The following TEX15 variants were observed in gnomAD, a reference collection of about 807,000 sequenced individuals.
The protein encoded by TEX15 is testis expressed 15, meiosis and synapsis associated.
Under a neutral mutation model 237.3 loss-of-function variants are expected in TEX15, and 171 were observed. The ratio of observed to expected loss-of-function variants is 0.72; its 90% CI spans 0.64 to 0.82. The LOEUF is 0.82. Among genes scored for constraint, TEX15 ranks in the 40% least tolerant of loss-of-function variants. The pLI, the probability that TEX15 is intolerant of heterozygous loss-of-function variation, is 0.00. For synonymous variants in TEX15, 1,338 were observed against 1,269.8 expected (o/e 1.05, Z -1.14); for missense variants, 3,750 against 3,646.5 (o/e 1.03, Z -0.73).
rs773441447 is a variant in TEX15 at position 30,836,864 on chromosome 8, T to C, written c.9420A>G (p.Pro3140=). The C allele has an allele frequency of 3.7e-6, 6 of 1,614,000 alleles. No homozygotes were observed. The highest frequency in any genetic ancestry group is 2.5e-6 in the Non-Finnish European group (3 of 1,180,016). Residue 3140 remains proline (P), a synonymous_variant, in exon 10 of 11, where the codon CCA becomes CCG. Coordinates refer to ENST00000643185, the MANE Select transcript of TEX15 (RefSeq NM_001350162.2). The part of the protein sequence containing the change: ...FSQYASHQPL[P]QATYPYLPNR... Reference sequence around the variant, plus strand: ...TAGGAAGGTAAGGGTATGTAGCTTGTGGTAATGGCTGATGAGAAGCATATT... The same window carrying C: ...TAGGAAGGTAAGGGTATGTAGCTTGCGGTAATGGCTGATGAGAAGCATATT...
intron 10 of TEX15, among the ~76,000 whole-genome samples, chr8:30,833,922 T>A (rs1314897308): frequency 6.6e-6 from 1 of 152,186 alleles, no homozygotes; most frequent in Non-Finnish European, 1.5e-5. Context: ...CTGGACTTGA[T>A]TCCAGAGCTA....
At chr8:30,886,277 G>A (rs537881696) in intron 3 of TEX15, among the ~76,000 whole-genome samples, 50 of 152,328 alleles carry the variant, frequency 3.3e-4, no homozygotes, top group Non-Finnish European at 6.8e-4. Flanking sequence ...ACTATGCAGA[G>A]GTGAAGTTCT....
At chr8:30,888,995 C>T (rs1288900902) in intron 2 of TEX15, among the ~76,000 whole-genome samples, 2 of 152,210 alleles carry the variant, frequency 1.3e-5, no homozygotes, top group Non-Finnish European at 2.9e-5. Context: ...CTGCCATGTT[C>T]ACCTCGCAGT....
At chr8:30,865,054 A>C (rs1161845304) in intron 5 of TEX15, among the ~76,000 whole-genome samples, 1 of 152,116 alleles carries the variant, frequency 6.6e-6, no homozygotes, top group Admixed American at 6.6e-5. Context: ...GTTTTTAAAA[A>C]AACAAAATAT....
chr8:30,843,581 T>A lies in TEX15; in HGVS notation c.6586A>T (p.Thr2196Ser). The A allele has an allele frequency of 1.2e-6, 2 of 1,613,104 alleles. No individual in the cohort carries two copies. Among genetic ancestry groups the A allele is most frequent in the African/African-American group, 1.3e-5 (1 of 75,004 alleles). The change falls in exon 8 of 11, where the codon ACC becomes TCC. Residue 2196 changes from threonine (T) to serine (S), a missense_variant. Transcript: ENST00000643185. The stretch of plus-strand genomic sequence containing the variant: ...CTATCTCCAAAGTTAACTCCACAGG[T>A]AAATGGAACAGAAAGAGAAAAATCA... ...CFDFSLSVPF[T>S]CGVNFGDSLE... is the part of the protein sequence containing the mutation.
At chr8:30,861,081 T>A (rs2111862) in intron 5 of TEX15, among the ~76,000 whole-genome samples, 4 of 151,992 alleles carry the variant, frequency 2.6e-5, no homozygotes, top group Non-Finnish European at 5.9e-5. Flanking sequence ...AGAAAAAGCC[T>A]GGAGTAAGCT....
At position 30,837,812 on chromosome 8, in the gene TEX15, G is replaced by A. The variant is rs1807344681; in HGVS notation, c.8472C>T (p.Asn2824=). 3 of 1,614,036 alleles carry A rather than the reference G, an allele frequency of 1.9e-6. No individual in the cohort carries two copies. The South Asian group carries it at 3.3e-5, about 18-fold the overall frequency. The change falls in exon 10 of 11, where the codon AAC becomes AAT. Residue 2824 remains asparagine (N), a synonymous_variant. Transcript: ENST00000643185. The part of the protein sequence containing the change: ...NLNSMKKRNV[N]FSAAETKSDK... ...CACTTTTTGTTTCAGCAGCACTGAA[G>A]TTCACATTTCTTTTCTTCATGCTAT...
At chr8:30,910,537 C>T (rs1013832157) in intron 1 of TEX15, among the ~76,000 whole-genome samples, 5 of 151,688 alleles carry the variant, frequency 3.3e-5, no homozygotes, top group African/African-American at 9.7e-5. Flanking sequence ...CTTGACCACC[C>T]GGGCTCAAGC....
chr8:30,849,334 A>G lies in TEX15; in HGVS notation c.851-18T>C, dbSNP rs747577562. 9.0e-6 allele frequency: 13 copies of G among 1,451,370 alleles called. No individual in the cohort carries two copies. Among genetic ancestry groups the G allele is most frequent in the Non-Finnish European group, 1.2e-5 (13 of 1,099,100 alleles). The allele number at this position is 1,451,370 out of a possible 1,614,324, so 89.9% of individuals were successfully genotyped here. ...TGTCCTTTCTGTGGAAATAATAAGGAAGACAAATTTGAAAAAAAGTGTTTC... is the reference window on the plus strand; with the variant it reads ...TGTCCTTTCTGTGGAAATAATAAGGGAGACAAATTTGAAAAAAAGTGTTTC... On this transcript the variant is annotated intron_variant, in intron 7 of 10. Coordinates refer to ENST00000643185, the MANE Select transcript of TEX15 (RefSeq NM_001350162.2).
Position 30,860,027 on chromosome 8 carries a change from G to A in TEX15, c.571C>T (p.Pro191Ser). 1 of 1,482,142 alleles carries A rather than the reference G, an allele frequency of 6.7e-7. No individual in the cohort carries two copies. The allele number at this position is 1,482,142 out of a possible 1,614,324, so 91.8% of individuals were successfully genotyped here. Residue 191 changes from proline to serine, a missense_variant, in exon 6 of 11, where the codon CCT becomes TCT. Physicochemically the swap from Pro to Ser is moderately conservative, Grantham distance 74 (BLOSUM62 -1). Coordinates refer to ENST00000643185, the MANE Select transcript of TEX15 (RefSeq NM_001350162.2). ...VLFGKVKKIQPSVDKNKVSLD... is the reference protein window; with the variant it reads ...VLFGKVKKIQSSVDKNKVSLD... ...GAAACTTTATTTTTATCCACAGAAG[G>A]TTGGATTTTCTTCACTTTTCCAAAG...
intron 1 of TEX15, among the ~76,000 whole-genome samples, chr8:30,909,336 T>G (rs771200633): frequency 6.6e-6 from 1 of 151,816 alleles, no homozygotes; most frequent in South Asian, 2.1e-4. Flanking sequence ...TTCAGTCACA[T>G]TGGTGAAAGC....
chr8:30,852,688 C>G (rs192609294), intron 7 of TEX15, among the ~76,000 whole-genome samples: 1 of 151,014 alleles, frequency 6.6e-6, no homozygotes, highest in Non-Finnish European at 1.5e-5. Flanking sequence ...TAAAAACCTA[C>G]GGAAATAAAA....
intron 9 of TEX15, among the ~76,000 whole-genome samples, chr8:30,839,350 A>G (rs1274290305): frequency 1.3e-5 from 2 of 152,174 alleles, no homozygotes; most frequent in African/African-American, 2.4e-5. Context: ...AGCTCAAAGT[A>G]TCGTATGGGA....
chr8:30,850,316 GAATTTACAA>G (rs1272907464), intron 7 of TEX15, among the ~76,000 whole-genome samples: 1 of 152,016 alleles, frequency 6.6e-6, no homozygotes, highest in Non-Finnish European at 1.5e-5. Context: ...ATGTAATAAT[GAATTTACAA>G]AATGCATATT....
In TEX15 at chr8:30,881,610, C is replaced by CTTTTTTT. The variant is rs1164594718; in HGVS notation, c.136+5556_136+5557insAAAAAAA. 3.3e-3 allele frequency among the ~76,000 whole-genome samples: 366 copies of CTTTTTTT among 109,348 alleles called. 63 individuals are homozygous for CTTTTTTT. The highest frequency in any genetic ancestry group is 0.01 in the African/African-American group (159 of 15,408). 71.7% of individuals were successfully genotyped at this position (109,348 alleles called of 152,430 possible). A position where few individuals can be genotyped will look rare whatever the true frequency, so the allele number is the denominator to read the frequency against. ...TTCATTAATTATCCTTCCATCTTGACTTTTTATTTTTTTTTATTATTTTTT... is the reference window on the plus strand; with the variant it reads ...TTCATTAATTATCCTTCCATCTTGACTTTTTTTTTTTTATTTTTTTTTATTATTTTTT... On this transcript the variant is annotated intron_variant, in intron 3 of 10. Coordinates refer to ENST00000643185, the MANE Select transcript of TEX15 (RefSeq NM_001350162.2).
intron 7 of TEX15, among the ~76,000 whole-genome samples, chr8:30,853,561 T>C (rs1022237860): frequency 5.0e-4 from 76 of 152,156 alleles, no homozygotes; most frequent in African/African-American, 1.7e-3. Flanking sequence ...ATAAGTAATA[T>C]AGAGATAATT....
chr8:30,890,323 T>C (rs1808770677), intron 2 of TEX15, among the ~76,000 whole-genome samples: 1 of 152,042 alleles, frequency 6.6e-6, no homozygotes, highest in Admixed American at 6.6e-5. Flanking sequence ...GCTACCAAAA[T>C]TGATTCAAGA....
At chr8:30,868,359 GGTGGT>G (rs1303017692) in intron 4 of TEX15, among the ~76,000 whole-genome samples, 2 of 151,938 alleles carry the variant, frequency 1.3e-5, no homozygotes, top group African/African-American at 2.4e-5. Flanking sequence ...TGCCACATCA[GGTGGT>G]ACAATAGAGT....
At chr8:30,886,124 C>T (rs1238460624) in intron 3 of TEX15, among the ~76,000 whole-genome samples, 2 of 152,028 alleles carry the variant, frequency 1.3e-5, no homozygotes, top group African/African-American at 4.8e-5. Flanking sequence ...TTAAGATGAG[C>T]GATTTTTACT....
Sources: allele counts gnomAD v4.1 joint callset (sites outside exome capture counted in the v4.1 genomes callset), GRCh38; gene constraint gnomAD v4.1.1; transcripts MANE v1.5; gene names NCBI Gene and HGNC (gene_info 2026-07-23, HGNC 2026-07-21).